The following GABRA2 variants were observed in gnomAD, a reference collection of about 807,000 sequenced individuals.
GABRA2 encodes the protein gamma-aminobutyric acid type A receptor subunit alpha2.
Under a neutral mutation model 48.7 loss-of-function variants are expected in GABRA2, and 16 were observed. The observed-to-expected ratio is 0.33, with a 90% CI of 0.22 to 0.50. The LOEUF (loss-of-function observed/expected upper bound fraction) is 0.50. Among genes scored for constraint, GABRA2 ranks in the 20% least tolerant of loss-of-function variants. The pLI is 0.98. For missense variants in GABRA2, 275 were observed against 535.6 expected (o/e 0.51, Z 4.80); for synonymous variants, 185 against 184.5 (o/e 1.00, Z -0.02).
chr4:46,252,222 T>C (rs897537104), intron 9 of GABRA2, among the ~76,000 whole-genome samples: 1 of 151,520 alleles, frequency 6.6e-6, no homozygotes, highest in Non-Finnish European at 1.5e-5. Flanking sequence ...CTTCCAGATC[T>C]GGCTTAATTA....
chr4:46,330,196 G>T (rs973760503), intron 4 of GABRA2, among the ~76,000 whole-genome samples: 28 of 151,880 alleles, frequency 1.8e-4, no homozygotes, highest in Non-Finnish European at 1.0e-4. Flanking sequence ...ATAACTTGTG[G>T]TAGAATCCCC....
chr4:46,359,010 T>C (rs547394254), intron 3 of GABRA2, among the ~76,000 whole-genome samples: 21 of 152,336 alleles, frequency 1.4e-4, no homozygotes, highest in Non-Finnish European at 2.8e-4. Flanking sequence ...ACACACCTGT[T>C]ATACCAAATA....
chr4:46,292,079 G>A (rs1006663397), intron 8 of GABRA2, among the ~76,000 whole-genome samples: 1 of 152,046 alleles, frequency 6.6e-6, no homozygotes, highest in African/African-American at 2.4e-5. Context: ...CCTGATTCAT[G>A]GCTAGAGAGA....
At chr4:46,256,849 A>G (rs1427008129) in intron 9 of GABRA2, among the ~76,000 whole-genome samples, 1 of 151,786 alleles carries the variant, frequency 6.6e-6, no homozygotes, top group African/African-American at 2.4e-5. Context: ...ATTAAATAAA[A>G]TGACTCATAA....
At chr4:46,330,809 A>G (rs1731224110) in intron 4 of GABRA2, among the ~76,000 whole-genome samples, 1 of 152,012 alleles carries the variant, frequency 6.6e-6, no homozygotes, top group Non-Finnish European at 1.5e-5. Context: ...TAATTTATAT[A>G]ATATGCTAAT....
intron 3 of GABRA2, among the ~76,000 whole-genome samples, chr4:46,352,140 G>T (rs946379193): frequency 6.6e-6 from 1 of 151,954 alleles, no homozygotes; most frequent in African/African-American, 2.4e-5. Context: ...CAGAACGTGG[G>T]ACGGTTAGAC....
At chr4:46,344,458 C>T (rs144532507) in intron 3 of GABRA2, among the ~76,000 whole-genome samples, 52 of 151,874 alleles carry the variant, frequency 3.4e-4, no homozygotes, top group Non-Finnish European at 5.2e-4. Flanking sequence ...TTCAAAAAGC[C>T]GTGAGAAATT....
At chr4:46,263,581 T>C (rs550437215) in intron 8 of GABRA2, among the ~76,000 whole-genome samples, 1 of 152,252 alleles carries the variant, frequency 6.6e-6, no homozygotes, top group East Asian at 1.9e-4. Context: ...TTTATACCCT[T>C]GATATACATA....
Position 46,320,288 on chromosome 4 carries a change from T to C in GABRA2, c.256-7572A>G, listed in dbSNP as rs572808897. ...TCTTATCCCATACACAAAAATCAACTCAAGGCAGACTAAAGACCTAAAGGT... is the reference window on the plus strand; with the variant it reads ...TCTTATCCCATACACAAAAATCAACCCAAGGCAGACTAAAGACCTAAAGGT... On this transcript the variant is annotated intron_variant, in intron 4 of 9. Coordinates refer to ENST00000381620, the MANE Select transcript of GABRA2 (RefSeq NM_000807.4). 4.0e-5 allele frequency among the ~76,000 whole-genome samples: 6 copies of C among 151,800 alleles called. No individual in the cohort carries two copies. The South Asian group carries it at 1.0e-3, about 26-fold the overall frequency.
intron 2 of GABRA2, among the ~76,000 whole-genome samples, chr4:46,387,992 A>T (rs1241233161): frequency 6.6e-6 from 1 of 152,196 alleles, no homozygotes; most frequent in Non-Finnish European, 1.5e-5. Flanking sequence ...AATTAATTTC[A>T]TGTTTTTATA....
intron 3 of GABRA2, among the ~76,000 whole-genome samples, chr4:46,338,281 A>T (rs375024023): frequency 6.6e-6 from 1 of 151,488 alleles, no homozygotes; most frequent in South Asian, 2.1e-4. Flanking sequence ...ATGGAAAATA[A>T]CTCTAGGAAA....
Position 46,330,408 on chromosome 4 carries a change from A to T in GABRA2, c.255+2207T>A, listed in dbSNP as rs561592391. Among the ~76,000 whole-genome samples the T allele has an allele frequency of 6.4e-4, 98 of 152,038 alleles. 1 individual carries two copies. The highest frequency in any genetic ancestry group is 2.2e-3 in the African/African-American group (93 of 41,508). Reference sequence around the variant, plus strand: ...CCCAAAGAGTGGTCACAACAAGGAGAGGTAGAGAATTAATCTAATCTATTA... The same window carrying T: ...CCCAAAGAGTGGTCACAACAAGGAGTGGTAGAGAATTAATCTAATCTATTA... On this transcript the variant is annotated intron_variant, in intron 4 of 9. Transcript: ENST00000381620.
chr4:46,348,707 T>C (rs949454177), intron 3 of GABRA2, among the ~76,000 whole-genome samples: 3 of 134,934 alleles, frequency 2.2e-5, no homozygotes, highest in Non-Finnish European at 3.1e-5. Context: ...TTCTCACTCA[T>C]AGGTGGGAAT....
At chr4:46,379,175 C>T (rs1256626679) in intron 3 of GABRA2, among the ~76,000 whole-genome samples, 2 of 152,126 alleles carry the variant, frequency 1.3e-5, no homozygotes, top group East Asian at 1.9e-4. Context: ...TATTAAAAAG[C>T]GTCACAAAAA....
In GABRA2 at chr4:46,305,702, G is replaced by C; in HGVS notation, c.569C>G (p.Thr190Arg). 6.2e-7 allele frequency: 1 copy of C among 1,609,210 alleles called. No individual in the cohort carries two copies. The highest frequency in any genetic ancestry group is 8.5e-7 in the Non-Finnish European group (1 of 1,176,548). Residue 190 changes from threonine (T) to arginine (R), a missense_variant, in exon 7 of 10, where the codon ACA (threonine) becomes AGA (arginine). Transcript: ENST00000381620. ...CPLKFGSYAY[T>R]TSEVTYIWTY... Reference sequence around the variant, plus strand: ...CCAAATATAAGTGACCTCTGAAGTTGTATATGCATCTATAGGAAATCAGAA... The same window carrying C: ...CCAAATATAAGTGACCTCTGAAGTTCTATATGCATCTATAGGAAATCAGAA...
intron 8 of GABRA2, among the ~76,000 whole-genome samples, chr4:46,290,052 C>T (rs1055914044): frequency 1.3e-5 from 2 of 150,608 alleles, no homozygotes; most frequent in Non-Finnish European, 3.0e-5. Context: ...GCTGGGATTA[C>T]AGGCGCCCGC....
At chr4:46,375,066 A>G (rs966000709) in intron 3 of GABRA2, among the ~76,000 whole-genome samples, 3 of 152,148 alleles carry the variant, frequency 2.0e-5, no homozygotes, top group South Asian at 2.1e-4. Flanking sequence ...CATGTATCAA[A>G]TTAAGATTGC....
Position 46,250,152 on chromosome 4 carries a change from T to C in GABRA2, c.*156A>G. 1.7e-6 allele frequency: 1 copy of C among 600,172 alleles called. No homozygotes were observed. Among genetic ancestry groups the C allele is most frequent in the South Asian group, 2.6e-5 (1 of 38,964 alleles). 37.2% of individuals were successfully genotyped at this position (600,172 alleles called of 1,614,324 possible). On this transcript the variant is annotated 3_prime_UTR_variant, in exon 10 of 10. Coordinates refer to ENST00000381620, the MANE Select transcript of GABRA2 (RefSeq NM_000807.4). ...GTCTGCAGTTCCATGAGTTAGCAAA[T>C]GCATGTCTCCATTAAAGGTCTACTG...
At chr4:46,310,830 A>C (rs554238279) in intron 5 of GABRA2, among the ~76,000 whole-genome samples, 5 of 152,226 alleles carry the variant, frequency 3.3e-5, no homozygotes, top group Non-Finnish European at 7.3e-5. Context: ...AATTATAAAC[A>C]CAAATTACGA....
Sources: allele counts gnomAD v4.1 joint callset (sites outside exome capture counted in the v4.1 genomes callset), GRCh38; gene constraint gnomAD v4.1.1; transcripts MANE v1.5; gene names NCBI Gene and HGNC (gene_info 2026-07-23, HGNC 2026-07-21).